THEMIS: variants seen among roughly 807,000 people sequenced by gnomAD.
THEMIS encodes protein THEMIS.
A neutral mutation model predicts 52.6 loss-of-function variants in THEMIS; 37 were observed. The ratio of observed to expected loss-of-function variants is 0.70; its 90% CI spans 0.54 to 0.93. THEMIS has a LOEUF of 0.93. Ranked by LOEUF, THEMIS falls within the 40% of genes least tolerant of loss-of-function variation. The probability of loss-of-function intolerance (pLI) is 0.00; values close to 1 mark genes in which losing one functional copy is unlikely to be tolerated. For missense variants in THEMIS, 808 were observed against 763.1 expected (o/e 1.06, Z -0.69); for synonymous variants, 292 against 272.7 (o/e 1.07, Z -0.70).
intron 5 of THEMIS, among the ~76,000 whole-genome samples, chr6:127,710,734 C>T (rs372365536): frequency 2.6e-5 from 4 of 151,858 alleles, no homozygotes; most frequent in African/African-American, 4.8e-5. Flanking sequence ...CTTTATGGAG[C>T]GCGATGGATG....
intron 1 of THEMIS, among the ~76,000 whole-genome samples, chr6:127,856,783 A>G (rs2114308809): frequency 6.6e-6 from 1 of 152,122 alleles, no homozygotes; most frequent in African/African-American, 2.4e-5. Flanking sequence ...AGCAGGCTCA[A>G]GTCCTTTGTG....
chr6:127,773,012 G>A (rs1031499849), intron 4 of THEMIS, among the ~76,000 whole-genome samples: 2 of 152,156 alleles, frequency 1.3e-5, no homozygotes, highest in Non-Finnish European at 2.9e-5. Flanking sequence ...TGCAATGTCT[G>A]TACGCATGTA....
At chr6:127,757,279 G>A (rs1456345581) in intron 4 of THEMIS, among the ~76,000 whole-genome samples, 1 of 152,000 alleles carries the variant, frequency 6.6e-6, no homozygotes, top group African/African-American at 2.4e-5. Flanking sequence ...TAAGCCTTGG[G>A]TAAATATACA....
chr6:127,862,492 T>C (rs1779841071), intron 1 of THEMIS, among the ~76,000 whole-genome samples: 1 of 143,966 alleles, frequency 6.9e-6, no homozygotes, highest in Non-Finnish European at 1.5e-5. Flanking sequence ...CAAACTCTGC[T>C]CATTGCAACC....
At chr6:127,855,356 A>G (rs1779584513) in intron 1 of THEMIS, among the ~76,000 whole-genome samples, 168 bp from the exon 2 acceptor site, 1 of 151,980 alleles carries the variant, frequency 6.6e-6, no homozygotes, top group Admixed American at 6.6e-5. Context: ...CCAGAAAAAT[A>G]TTAGATTTTC....
chr6:127,734,033 G>A lies in THEMIS; in HGVS notation c.1759-14210C>T, dbSNP rs144861253. Among the ~76,000 whole-genome samples the A allele has an allele frequency of 7.9e-5, 12 of 152,160 alleles. No individual in the cohort carries two copies. The East Asian group carries it at 1.2e-3, about 15-fold the overall frequency. The stretch of plus-strand genomic sequence containing the variant: ...TTTCTACTCCTGTTCACTTGTGTCC[G>A]TAGGAATACAATCTGCAACATTCAT... On this transcript the variant is annotated intron_variant, in intron 4 of 5. Coordinates refer to ENST00000368248, the MANE Select transcript of THEMIS (RefSeq NM_001010923.3).
intron 5 of THEMIS, 93 bp downstream of exon 5, chr6:127,719,595 A>T: frequency 8.1e-7 from 1 of 1,230,696 alleles, no homozygotes; most frequent in Non-Finnish European, 1.1e-6. Flanking sequence ...CATATATTCC[A>T]AATAAAATAA....
In THEMIS at chr6:127,813,922, T is replaced by A; in HGVS notation, c.719A>T (p.Asp240Val). ...EIQGVMKFRKDIIRILPSLDV... is the reference protein window; with the variant it reads ...EIQGVMKFRKVIIRILPSLDV... The stretch of plus-strand genomic sequence containing the variant: ...TAGACTGGGGAGGATGCGGATTATA[T>A]CTTTTCGAACTAAAAAGAAAAAATA... The change falls in exon 4 of 6, where the codon GAT becomes GTT. Residue 240 changes from aspartate (D) to valine (V), a missense_variant. Physicochemically the swap from Asp to Val is radical, Grantham distance 152. Transcript: ENST00000368248. 4 of 1,544,582 alleles carry A rather than the reference T, an allele frequency of 2.6e-6. No homozygotes were observed. Among genetic ancestry groups the A allele is most frequent in the Non-Finnish European group, 3.5e-6 (4 of 1,150,204 alleles).
At chr6:127,892,182 T>G (rs1780832910) in intron 1 of THEMIS, among the ~76,000 whole-genome samples, 1 of 152,182 alleles carries the variant, frequency 6.6e-6, no homozygotes, top group African/African-American at 2.4e-5. Context: ...CCCACCATCC[T>G]TCCCCCAATT....
intron 4 of THEMIS, among the ~76,000 whole-genome samples, chr6:127,725,377 G>A (rs1026696376): frequency 6.6e-6 from 1 of 151,904 alleles, no homozygotes; most frequent in African/African-American, 2.4e-5. Flanking sequence ...GGCTTGCTGG[G>A]AATATGCAAA....
At chr6:127,703,732 T>C (rs368980416), downstream of THEMIS, among the ~76,000 whole-genome samples, 1 of 152,172 alleles carries the variant, frequency 6.6e-6, no homozygotes, top group Non-Finnish European at 1.5e-5. Flanking sequence ...TGTGGTCATA[T>C]GGATAAAAAT....
At chr6:127,792,088 C>T (rs1373852846) in intron 4 of THEMIS, among the ~76,000 whole-genome samples, 1 of 152,136 alleles carries the variant, frequency 6.6e-6, no homozygotes, top group African/African-American at 2.4e-5. Context: ...TCCACCTGTT[C>T]CCGGCTCCCA....
intron 3 of THEMIS, among the ~76,000 whole-genome samples, chr6:127,815,656 A>G (rs547045406): frequency 5.9e-5 from 9 of 152,362 alleles, no homozygotes; most frequent in African/African-American, 1.9e-4. Context: ...TTTAGCATGC[A>G]CTAACTTTTA....
the THEMIS span, among the ~76,000 whole-genome samples, chr6:127,698,147 G>C: frequency 6.6e-6 from 1 of 152,224 alleles, no homozygotes; most frequent in East Asian, 1.9e-4. Flanking sequence ...ATTTATGGTT[G>C]TTATTGATAA....
intron 4 of THEMIS, among the ~76,000 whole-genome samples, chr6:127,798,299 TCAAAAAAA>T (rs1166182983): frequency 6.6e-6 from 1 of 152,152 alleles, no homozygotes; most frequent in African/African-American, 2.4e-5. Context: ...TGATATTAGT[TCAAAAAAA>T]TAAAAGATCA....
chr6:127,848,006 G>A (rs1428070904), intron 2 of THEMIS, among the ~76,000 whole-genome samples: 2 of 151,068 alleles, frequency 1.3e-5, no homozygotes, highest in South Asian at 2.1e-4. Context: ...CCATGTTGGT[G>A]TGCTGCACCC....
At chr6:127,706,822 GT>G (rs1773813157), downstream of THEMIS, among the ~76,000 whole-genome samples, 1 of 152,060 alleles carries the variant, frequency 6.6e-6, no homozygotes, top group Non-Finnish European at 1.5e-5. Context: ...AGCAAAAAGT[GT>G]TCCAGGCAGG....
chr6:127,904,351 C>G (rs1164583706), upstream of THEMIS, among the ~76,000 whole-genome samples: 2 of 151,982 alleles, frequency 1.3e-5, no homozygotes, highest in Non-Finnish European at 2.9e-5. Flanking sequence ...GAAGCCAGGG[C>G]CAGCCAAGGA....
At chr6:127,763,696 T>C (rs1056926954) in intron 4 of THEMIS, among the ~76,000 whole-genome samples, 6 of 152,082 alleles carry the variant, frequency 3.9e-5, no homozygotes, top group African/African-American at 9.6e-5. Context: ...TATTGAATTA[T>C]TGAAATGTGG....
Sources: gnomAD v4.1 joint callset for allele counts (sites outside exome capture counted in the v4.1 genomes callset) on GRCh38, gnomAD v4.1.1 for gene constraint, MANE v1.5 for transcripts, NCBI Gene and HGNC (gene_info 2026-07-23, HGNC 2026-07-21) for gene names.